CDA: variants seen among roughly 807,000 people sequenced by gnomAD.
CDA encodes cytidine aminohydrolase.
CDA carries 7 observed loss-of-function variants against 15.0 expected under a neutral mutation model. That is an observed-to-expected ratio of 0.47 (90% CI 0.26 to 0.87). CDA has a LOEUF of 0.87. Among genes scored for constraint, CDA ranks in the 40% least tolerant of loss-of-function variants. CDA has a pLI of 0.15. For missense variants in CDA, 159 were observed against 182.7 expected, an observed-to-expected ratio of 0.87 and a Z score of 0.75; for synonymous variants, 58 against 73.0, an observed-to-expected ratio of 0.79 and a Z score of 1.05.
At chr1:20,614,213 T>A (rs1215128389) in intron 3 of CDA, among the ~76,000 whole-genome samples, 1 of 151,864 alleles carries the variant, frequency 6.6e-6, no homozygotes, top group Non-Finnish European at 1.5e-5. Flanking sequence ...AGGAGACAGA[T>A]GATAAACAAG....
chr1:20,589,242 T>C lies in CDA; in HGVS notation c.113T>C (p.Val38Ala), dbSNP rs758866204. The stretch of plus-strand genomic sequence containing the variant: ...TACTGCCCCTACAGTCACTTTCCTG[T>C]GGGGGCTGCCCTGCTCACCCAGGAG... ...SAYCPYSHFP[V>A]GAALLTQEGR... The change falls in exon 1 of 4, where the codon GTG becomes GCG. Residue 38 changes from valine to alanine, a missense_variant. By Grantham distance (64) the Val-to-Ala change is moderately conservative (BLOSUM62 0). Coordinates refer to ENST00000375071, the MANE Select transcript of CDA (RefSeq NM_001785.3). 1.9e-6 allele frequency: 3 copies of C among 1,613,762 alleles called. No individual in the cohort carries two copies. The highest frequency in any genetic ancestry group is 2.5e-6 in the Non-Finnish European group (3 of 1,179,776).
chr1:20,592,938 C>A (rs920544932), intron 1 of CDA, among the ~76,000 whole-genome samples: 1 of 152,028 alleles, frequency 6.6e-6, no homozygotes, highest in African/African-American at 2.4e-5. Flanking sequence ...ACAAAAAGTA[C>A]AAAAATGAGC....
intron 2 of CDA, among the ~76,000 whole-genome samples, chr1:20,613,127 A>G (rs1357953310): frequency 6.6e-6 from 1 of 152,080 alleles, no homozygotes; most frequent in African/African-American, 2.4e-5. Flanking sequence ...ACCAGGACAC[A>G]TGCCTCCTCC....
At chr1:20,593,986 C>G (rs2052570432) in intron 1 of CDA, among the ~76,000 whole-genome samples, 1 of 152,204 alleles carries the variant, frequency 6.6e-6, no homozygotes. Flanking sequence ...CCAGAGGAAG[C>G]CTGGTGTGGT....
Position 20,609,355 on chromosome 1 carries a change from G to A in CDA, c.266+4316G>A, listed in dbSNP as rs201108888. Among the ~76,000 whole-genome samples the A allele has an allele frequency of 5.3e-5, 8 of 152,212 alleles. No individual in the cohort carries two copies. In the East Asian group the frequency reaches 1.2e-3, roughly 22 times the overall value. ...AAAAAAATTAACCAGGCGTGGTGGCGGGCACCTGTAGTCCCAGCTACTCAG... is the reference window on the plus strand; with the variant it reads ...AAAAAAATTAACCAGGCGTGGTGGCAGGCACCTGTAGTCCCAGCTACTCAG... On this transcript the variant is annotated intron_variant, in intron 2 of 3. Coordinates refer to ENST00000375071, the MANE Select transcript of CDA (RefSeq NM_001785.3).
chr1:20,606,138 C>G (rs1238299340), intron 2 of CDA, among the ~76,000 whole-genome samples: 1 of 123,966 alleles, frequency 8.1e-6, no homozygotes, highest in Non-Finnish European at 1.8e-5. Flanking sequence ...TATCCGATAG[C>G]CTTCCCTGTC....
chr1:20,595,842 CAAAAAAAAA>C (rs1195136238), intron 1 of CDA, among the ~76,000 whole-genome samples: 1 of 73,070 alleles, frequency 1.4e-5, no homozygotes, highest in Non-Finnish European at 2.6e-5. Context: ...AAGACTCTCT[CAAAAAAAAA>C]AAAAAAAAAA....
intron 2 of CDA, among the ~76,000 whole-genome samples, chr1:20,613,142 T>C (rs2052769385): frequency 6.6e-6 from 1 of 151,954 alleles, no homozygotes. Context: ...TCCTCCTCCA[T>C]AAAATCTTCC....
chr1:20,612,451 C>T (rs1256680050), intron 2 of CDA, among the ~76,000 whole-genome samples: 1 of 151,822 alleles, frequency 6.6e-6, no homozygotes, highest in Non-Finnish European at 1.5e-5. Context: ...TGACATTCCA[C>T]CCCCCCACCA....
At chr1:20,606,100 G>A (rs1210208140) in intron 2 of CDA, among the ~76,000 whole-genome samples, 1 of 124,498 alleles carries the variant, frequency 8.0e-6, no homozygotes, top group African/African-American at 2.8e-5. Context: ...AGTAAAGCCC[G>A]AGGTGCACTC....
chr1:20,596,127 T>C (rs542004480), intron 1 of CDA, among the ~76,000 whole-genome samples: 7 of 152,022 alleles, frequency 4.6e-5, no homozygotes, highest in Admixed American at 4.6e-4. Flanking sequence ...CCAGCCTGGG[T>C]AACAAGAGTG....
At chr1:20,615,470 CAA>C (rs35351279) in intron 3 of CDA, among the ~76,000 whole-genome samples, 2 of 113,024 alleles carry the variant, frequency 1.8e-5, no homozygotes, top group Non-Finnish European at 3.4e-5. Context: ...CTGTTCTCCA[CAA>C]AAAAAAAAAA....
At chr1:20,600,768 AAG>A (rs2052636407) in intron 1 of CDA, among the ~76,000 whole-genome samples, 1 of 151,328 alleles carries the variant, frequency 6.6e-6, no homozygotes, top group Non-Finnish European at 1.5e-5. Flanking sequence ...AAAAAAAAAA[AAG>A]AAAAGAGAAG....
intron 3 of CDA, among the ~76,000 whole-genome samples, chr1:20,616,757 A>ACGTAAACT (rs1345468263): frequency 2.0e-5 from 3 of 152,186 alleles, no homozygotes; most frequent in Non-Finnish European, 4.4e-5. Context: ...GGGACCTGAC[A>ACGTAAACT]CGTAAACTCG....
At chr1:20,605,995 G>T (rs2052692596) in intron 2 of CDA, among the ~76,000 whole-genome samples, 1 of 126,210 alleles carries the variant, frequency 7.9e-6, no homozygotes, top group Non-Finnish European at 1.8e-5. Context: ...GGCCAGTGGG[G>T]ACTGCACAGA....
chr1:20,589,141 GCGTC>G lies in CDA; in HGVS notation c.14_17del (p.Arg5LeufsTer5). On this transcript the variant is annotated frameshift_variant, in exon 1 of 4. Transcript: ENST00000375071. LOFTEE classifies it high-confidence loss of function. ...CCCGGGGTACCAACATGGCCCAGAA[GCGTC>G]CTGCCTGCACCCTGAAGCCTGAGTG... 6.2e-7 allele frequency: 1 copy of G among 1,614,140 alleles called. No individual in the cohort carries two copies. Among genetic ancestry groups the G allele is most frequent in the Non-Finnish European group, 8.5e-7 (1 of 1,180,024 alleles).
intron 2 of CDA, among the ~76,000 whole-genome samples, chr1:20,611,064 A>G (rs2154532750): frequency 6.6e-6 from 1 of 152,216 alleles, no homozygotes; most frequent in East Asian, 1.9e-4. Context: ...ATATAGTAAG[A>G]TCCTATTTCT....
chr1:20,613,732 ATG>A (rs771003680), intron 2 of CDA, 108 bp from the exon 3 acceptor site: 29 of 991,778 alleles, frequency 2.9e-5, no homozygotes, highest in Non-Finnish European at 3.7e-5. Flanking sequence ...GAACTGCCTG[ATG>A]GGGTATGACC....
intron 2 of CDA, among the ~76,000 whole-genome samples, chr1:20,606,210 C>G (rs1021061346): frequency 1.4e-5 from 2 of 143,796 alleles, no homozygotes; most frequent in African/African-American, 5.1e-5. Context: ...TGGCGGGCGC[C>G]TGTAGTCCCA....
Sources: gnomAD v4.1 joint callset for allele counts (sites outside exome capture counted in the v4.1 genomes callset) on GRCh38, gnomAD v4.1.1 for gene constraint, MANE v1.5 for transcripts, NCBI Gene and HGNC (gene_info 2026-07-23, HGNC 2026-07-21) for gene names.